Variants in MYLK observed in about 807,000 individuals in gnomAD.
MYLK encodes the protein myosin light chain kinase, smooth muscle.
MYLK carries 106 observed loss-of-function variants against 203.4 expected under a neutral mutation model. That is an observed-to-expected ratio of 0.52 (90% confidence interval 0.45 to 0.61). The LOEUF (loss-of-function observed/expected upper bound fraction) is 0.61, where lower values mean the gene tolerates loss of function less well. Among genes scored for constraint, MYLK ranks in the 20% least tolerant of loss-of-function variants. The pLI is 0.00. For missense variants in MYLK, 2,072 were observed against 2,442.3 expected (o/e 0.85, Z 3.20); for synonymous variants, 867 against 959.5 (o/e 0.90, Z 1.78).
At chr3:123,668,345 G>A (rs1163117587) in intron 20 of MYLK, among the ~76,000 whole-genome samples, 3 of 152,168 alleles carry the variant, frequency 2.0e-5, no homozygotes, top group South Asian at 2.1e-4. Context: ...AGAAACTACT[G>A]ATACACAGAA....
In MYLK at chr3:123,626,799, A is replaced by G. The variant is rs1298539588; in HGVS notation, c.5238+19T>C. Reference sequence around the variant, plus strand: ...AATATGAGGGGCAACATCCCAGTCCAAAGTGACCCTCTCATTACCTGCCAT... The same window carrying G: ...AATATGAGGGGCAACATCCCAGTCCGAAGTGACCCTCTCATTACCTGCCAT... On this transcript the variant is annotated intron_variant, in intron 31 of 33. Transcript: ENST00000360304. 2 of 1,614,062 alleles carry G rather than the reference A, an allele frequency of 1.2e-6. No homozygotes were observed. The highest frequency in any genetic ancestry group is 2.2e-5 in the East Asian group (1 of 44,898).
intron 10 of MYLK, 71 bp from the exon 11 acceptor site, chr3:123,733,173 G>T: frequency 6.5e-7 from 1 of 1,535,130 alleles, no homozygotes; most frequent in Non-Finnish European, 8.9e-7. Context: ...AGGTAGGTGG[G>T]GAAGGTGTGA....
chr3:123,631,663 T>A (rs527681353), intron 29 of MYLK, among the ~76,000 whole-genome samples: 4 of 152,322 alleles, frequency 2.6e-5, no homozygotes, highest in African/African-American at 7.2e-5. Context: ...AATTGTCTCA[T>A]CCTAATCAAC....
Position 123,613,032 on chromosome 3 carries a change from T to C in MYLK, c.*1073A>G, listed in dbSNP as rs2057288562. ...TTTAAAGGTTGGGGGCAAGGCATGA[T>C]TGATGCACATTTAAGAAGAAAAATA... On this transcript the variant is annotated 3_prime_UTR_variant, in exon 34 of 34. Transcript: ENST00000360304. 6.6e-6 allele frequency: 1 copy of C among 152,584 alleles called. No individual in the cohort carries two copies. The highest frequency in any genetic ancestry group is 2.4e-5 in the African/African-American group (1 of 41,448). The allele number at this position is 152,584 out of a possible 1,614,324, so 9.5% of individuals were successfully genotyped here. A position where few individuals can be genotyped will look rare whatever the true frequency, so the allele number is the denominator to read the frequency against.
At chr3:123,644,527 T>G (rs2058946406) in intron 27 of MYLK, 2 of 152,302 alleles carry the variant, frequency 1.3e-5, no homozygotes, top group Admixed American at 1.3e-4. Flanking sequence ...AATTCCAAGC[T>G]AAGTATGGTA....
At chr3:123,616,920 CA>C (rs1263557654) in intron 33 of MYLK, 2 of 152,140 alleles carry the variant, frequency 1.3e-5, no homozygotes, top group Non-Finnish European at 2.9e-5. Flanking sequence ...GCAATGCAAA[CA>C]GGCTAATATG....
intron 8 of MYLK, chr3:123,735,775 T>C (rs1359180468): frequency 4.4e-6 from 1 of 229,134 alleles, no homozygotes; most frequent in African/African-American, 2.2e-5. Flanking sequence ...AGCATACTTT[T>C]AATGTTATCC....
At chr3:123,797,644 T>C (rs2065036964) in intron 3 of MYLK, among the ~76,000 whole-genome samples, 1 of 152,174 alleles carries the variant, frequency 6.6e-6, no homozygotes, top group African/African-American at 2.4e-5. Flanking sequence ...CAGACTTTTG[T>C]GACCCTGCCA....
intron 12 of MYLK, among the ~76,000 whole-genome samples, chr3:123,722,639 T>C (rs2062134246): frequency 6.6e-6 from 1 of 152,132 alleles, no homozygotes; most frequent in Non-Finnish European, 1.5e-5. Flanking sequence ...ATCCTCAACT[T>C]CACAGAATTC....
intron 23 of MYLK, among the ~76,000 whole-genome samples, chr3:123,663,770 A>G (rs1046938078): frequency 2.6e-5 from 4 of 152,124 alleles, no homozygotes; most frequent in Non-Finnish European, 4.4e-5. Context: ...GAAGTTGACC[A>G]AGTTTATGCC....
chr3:123,647,901 T>C (rs2059078162), intron 26 of MYLK, among the ~76,000 whole-genome samples: 4 of 152,136 alleles, frequency 2.6e-5, no homozygotes, highest in Admixed American at 2.6e-4. Flanking sequence ...CTTTGGCTGA[T>C]GGCATCTCTT....
chr3:123,851,796 T>A (rs1409122072), intron 2 of MYLK, among the ~76,000 whole-genome samples: 2 of 152,106 alleles, frequency 1.3e-5, no homozygotes, highest in Non-Finnish European at 2.9e-5. Flanking sequence ...ATAGGAGTGG[T>A]GAGAGAGGGC....
intron 2 of MYLK, among the ~76,000 whole-genome samples, chr3:123,837,324 C>A (rs35919256): frequency 0.45 from 68,401 of 151,868 alleles, 18,457 homozygotes; most frequent in Non-Finnish European, 0.63. Flanking sequence ...AGCCACTGTG[C>A]CCAGCCTGTA....
intron 19 of MYLK, among the ~76,000 whole-genome samples, chr3:123,684,512 AT>A (rs1249738114): frequency 6.6e-6 from 1 of 152,074 alleles, no homozygotes; most frequent in Non-Finnish European, 1.5e-5. Flanking sequence ...ACCAATGACA[AT>A]GTAAAGAAAG....
intron 3 of MYLK, among the ~76,000 whole-genome samples, chr3:123,805,000 G>A (rs1466884746): frequency 6.6e-6 from 1 of 152,076 alleles, no homozygotes; most frequent in Non-Finnish European, 1.5e-5. Context: ...TTGCCAGTAG[G>A]ATCCCAGACT....
Position 123,610,161 on chromosome 3 carries a change from A to G in MYLK, c.*3944T>C, listed in dbSNP as rs966789944. On this transcript the variant is annotated 3_prime_UTR_variant, in exon 34 of 34. Transcript: ENST00000360304. ...TTTCACATAATTTGAAAAGTGATGT[A>G]CATGTGACTGTCGAGCATTTGAAAT... 2.6e-5 allele frequency: 4 copies of G among 152,272 alleles called. No individual in the cohort carries two copies. Among genetic ancestry groups the G allele is most frequent in the African/African-American group, 9.6e-5 (4 of 41,480 alleles). The allele number at this position is 152,272 out of a possible 1,614,324, so 9.4% of individuals were successfully genotyped here.
Position 123,651,966 on chromosome 3 carries a change from G to A in MYLK, c.4289-2772C>T, listed in dbSNP as rs528957334. Among the ~76,000 whole-genome samples the A allele has an allele frequency of 3.9e-5, 6 of 152,376 alleles. No individual in the cohort carries two copies. The East Asian group carries it at 1.2e-3, about 29-fold the overall frequency. ...AACTCGGATCAAGAGTCCGGACTAA[G>A]CAGGGAGCAGTGGCAAGTGCCTGTA... On this transcript the variant is annotated intron_variant, in intron 24 of 33. Coordinates refer to ENST00000360304, the MANE Select transcript of MYLK (RefSeq NM_053025.4).
Position 123,666,201 on chromosome 3 carries a change from C to T in MYLK, c.3831+18G>A, listed in dbSNP as rs760065088. On this transcript the variant is annotated intron_variant, in intron 22 of 33. Transcript: ENST00000360304. ...TTATTCCCAGCACCCCCAGTGCCCA[C>T]CCCATACCGTCACTGACCTGCTTTC... The T allele has an allele frequency of 1.9e-6, 3 of 1,614,210 alleles. No homozygotes were observed. Among genetic ancestry groups the T allele is most frequent in the Non-Finnish European group, 2.5e-6 (3 of 1,180,028 alleles).
chr3:123,783,263 T>G (rs1038257657), intron 4 of MYLK, among the ~76,000 whole-genome samples: 1 of 152,222 alleles, frequency 6.6e-6, no homozygotes, highest in Non-Finnish European at 1.5e-5. Context: ...TCTGCCAATC[T>G]AAGCCCCAAG....
Sources: allele counts gnomAD v4.1 joint callset (sites outside exome capture counted in the v4.1 genomes callset), GRCh38; gene constraint gnomAD v4.1.1; transcripts MANE v1.5; gene names NCBI Gene and HGNC (gene_info 2026-07-23, HGNC 2026-07-21).